CYP2J2: variants seen among roughly 807,000 people sequenced by gnomAD.
The protein encoded by CYP2J2 is cytochrome P450 2J2.
A neutral mutation model predicts 48.8 loss-of-function variants in CYP2J2; 41 were observed. The observed-to-expected ratio is 0.84, with a 90% CI of 0.66 to 1.09. CYP2J2 has a LOEUF of 1.09. Ranked by LOEUF, CYP2J2 falls within the 50% of genes least tolerant of loss-of-function variation. CYP2J2 has a pLI of 0.00. For synonymous variants in CYP2J2, 221 were observed against 227.1 expected, an observed-to-expected ratio of 0.97 and a Z score of 0.24; for missense variants, 644 against 617.3, an observed-to-expected ratio of 1.04 and a Z score of -0.46.
chr1:59,957,312 C>G, the CYP2J2 span, among the ~76,000 whole-genome samples: 2 of 149,854 alleles, frequency 1.3e-5, no homozygotes, highest in Non-Finnish European at 1.5e-5. Flanking sequence ...TTGGAAAGAT[C>G]TAGAAGTTGG....
chr1:59,960,792 G>A, the CYP2J2 span, among the ~76,000 whole-genome samples: 3 of 152,094 alleles, frequency 2.0e-5, no homozygotes, highest in Non-Finnish European at 2.9e-5. Context: ...GAAGTGAGCC[G>A]ATATTGTGCC....
the CYP2J2 span, among the ~76,000 whole-genome samples, chr1:59,945,378 A>G: frequency 2.0e-5 from 3 of 151,878 alleles, no homozygotes; most frequent in Non-Finnish European, 4.4e-5. Flanking sequence ...TCTTAATCAG[A>G]AAGTAAAATT....
chr1:59,911,523 A>C (rs1574254084), intron 4 of CYP2J2, 85 bp downstream of exon 4: 7 of 1,016,990 alleles, frequency 6.9e-6, no homozygotes, highest in South Asian at 2.6e-5. Context: ...TCAAAAACCC[A>C]AAAAAAACTA....
upstream of CYP2J2, among the ~76,000 whole-genome samples, chr1:59,930,159 C>A (rs1468282804): frequency 6.6e-6 from 1 of 152,166 alleles, no homozygotes; most frequent in Non-Finnish European, 1.5e-5. Flanking sequence ...AAACTGTTAA[C>A]CCACTTGAGT....
the CYP2J2 span, among the ~76,000 whole-genome samples, chr1:59,964,493 C>A: frequency 6.6e-6 from 1 of 152,190 alleles, no homozygotes; most frequent in African/African-American, 2.4e-5. Flanking sequence ...ATGTCTATAT[C>A]CTAGTTGCAA....
the CYP2J2 span, among the ~76,000 whole-genome samples, chr1:59,936,918 TC>T: frequency 6.6e-6 from 1 of 152,218 alleles, no homozygotes; most frequent in Non-Finnish European, 1.5e-5. Context: ...TGATTTCTAC[TC>T]AGAGTAACTC....
chr1:59,937,213 C>T, the CYP2J2 span, among the ~76,000 whole-genome samples: 1 of 152,138 alleles, frequency 6.6e-6, no homozygotes, highest in African/African-American at 2.4e-5. Context: ...GCACAACAGC[C>T]ATATTCTAGT....
chr1:59,916,166 T>C, intron 1 of CYP2J2, 66 bp from the exon 2 acceptor site: 2 of 1,405,832 alleles, frequency 1.4e-6, no homozygotes, highest in Non-Finnish European at 2.0e-6. Flanking sequence ...ATGGAGGATG[T>C]GTGTAGCTGG....
the CYP2J2 span, among the ~76,000 whole-genome samples, chr1:59,932,214 G>A: frequency 1.3e-5 from 2 of 151,964 alleles, no homozygotes; most frequent in East Asian, 3.8e-4. Context: ...AATCTATACA[G>A]GTATGTTTTA....
In CYP2J2 at chr1:59,909,376, G is replaced by A. The variant is rs11572274; in HGVS notation, c.861+408C>T. 5.4e-3 allele frequency among the ~76,000 whole-genome samples: 816 copies of A among 152,268 alleles called. 4 individuals carry two copies. The highest frequency in any genetic ancestry group is 9.1e-3 in the Non-Finnish European group (622 of 68,014). On this transcript the variant is annotated intron_variant, in intron 5 of 8. Coordinates refer to ENST00000371204, the MANE Select transcript of CYP2J2 (RefSeq NM_000775.4). ...ATCCTGGAACATTCCAGTGGGCCCA[G>A]TGTTATCATAATAGTCTTTATTAGA...
chr1:59,921,694 G>A (rs965658590), intron 1 of CYP2J2, among the ~76,000 whole-genome samples: 7 of 151,212 alleles, frequency 4.6e-5, no homozygotes, highest in Non-Finnish European at 8.8e-5. Context: ...GAAACAGGAC[G>A]TGAAGCTAGA....
the CYP2J2 span, among the ~76,000 whole-genome samples, chr1:59,952,726 T>C: frequency 2.0e-5 from 3 of 152,186 alleles, no homozygotes; most frequent in Non-Finnish European, 2.9e-5. Flanking sequence ...CTGGGAGTCA[T>C]CATTTATTCA....
At chr1:59,900,837 G>A (rs926134353) in intron 8 of CYP2J2, 128 bp downstream of exon 8, 21 of 1,067,360 alleles carry the variant, frequency 2.0e-5, no homozygotes, top group African/African-American at 3.1e-5. Context: ...CCTACAGCAA[G>A]ATGGAGTGAG....
upstream of CYP2J2, among the ~76,000 whole-genome samples, chr1:59,927,380 C>T (rs915172565): frequency 3.9e-5 from 6 of 152,040 alleles, no homozygotes; most frequent in Admixed American, 1.3e-4. Flanking sequence ...GTCTTAGTTC[C>T]GATCCTTGCT....
At chr1:59,964,343 T>C in the CYP2J2 span, among the ~76,000 whole-genome samples, 3 of 152,184 alleles carry the variant, frequency 2.0e-5, no homozygotes, top group Admixed American at 6.5e-5. Context: ...CAGGCACTAA[T>C]GTCCATAGAA....
the CYP2J2 span, among the ~76,000 whole-genome samples, chr1:59,938,076 G>A: frequency 6.6e-6 from 1 of 152,094 alleles, no homozygotes; most frequent in Admixed American, 6.6e-5. Flanking sequence ...GGTCCCTGGT[G>A]CCTATTTAGT....
At chr1:59,935,025 T>TATATATAC in the CYP2J2 span, among the ~76,000 whole-genome samples, 10 of 85,834 alleles carry the variant, frequency 1.2e-4, no homozygotes, top group South Asian at 3.5e-3. Flanking sequence ...CATATATATA[T>TATATATAC]ATATATATAT....
chr1:59,933,415 C>G, the CYP2J2 span, among the ~76,000 whole-genome samples: 67 of 152,174 alleles, frequency 4.4e-4, 1 homozygote, highest in South Asian at 0.013. Context: ...TGTCAATAAT[C>G]TAAATACACC....
upstream of CYP2J2, among the ~76,000 whole-genome samples, chr1:59,931,160 A>T (rs1054166273): frequency 2.6e-5 from 4 of 152,166 alleles, no homozygotes; most frequent in African/African-American, 9.6e-5. Flanking sequence ...GTAAATGCAA[A>T]CAATCACAGG....
Sources: gnomAD v4.1 joint callset for allele counts (sites outside exome capture counted in the v4.1 genomes callset) on GRCh38, gnomAD v4.1.1 for gene constraint, MANE v1.5 for transcripts, NCBI Gene and HGNC (gene_info 2026-07-23, HGNC 2026-07-21) for gene names.